The following PLPPR2 variants were observed in gnomAD, a reference collection of about 807,000 sequenced individuals.
PLPPR2 encodes phospholipid phosphatase-related protein type 2.
In PLPPR2, 11 loss-of-function variants were observed where a neutral mutation model predicts 40.3. That is an observed-to-expected ratio of 0.27 (90% confidence interval 0.17 to 0.45). The LOEUF is 0.45. Among genes scored for constraint, PLPPR2 ranks in the 20% least tolerant of loss-of-function variants. The probability of loss-of-function intolerance (pLI) is 1.00; values close to 1 mark genes in which losing one functional copy is unlikely to be tolerated. For missense variants in PLPPR2, 497 were observed against 640.7 expected, an observed-to-expected ratio of 0.78 and a Z score of 2.42; for synonymous variants, 260 against 290.8, an observed-to-expected ratio of 0.89 and a Z score of 1.08.
chr19:11,357,541 G>A lies in PLPPR2; in HGVS notation c.-14-119G>A, dbSNP rs117938945. 3.5e-4 allele frequency: 212 copies of A among 608,260 alleles called. 4 individuals carry two copies. The East Asian group carries it at 6.5e-3, about 19-fold the overall frequency. 37.7% of individuals were successfully genotyped at this position (608,260 alleles called of 1,614,324 possible). On this transcript the variant is annotated intron_variant, in intron 2 of 9. Coordinates refer to ENST00000688289, the MANE Select transcript of PLPPR2 (RefSeq NM_001393892.1). ...CAAGGGACAGAGTCAGGGCCTCCCC[G>A]GGTCTTCAGGGCCAGGGGTGTGGCC...
rs752644981 is a variant in PLPPR2, at chr19:11,361,479, C to G, written c.654C>G (p.Thr218=). The G allele has an allele frequency of 1.3e-6, 2 of 1,598,832 alleles. No homozygotes were observed. The highest frequency in any genetic ancestry group is 2.2e-5 in the South Asian group (2 of 90,652). The change falls in exon 6 of 10, where the codon ACC becomes ACG. Residue 218 remains threonine (T), a synonymous_variant. Coordinates refer to ENST00000688289, the MANE Select transcript of PLPPR2 (RefSeq NM_001393892.1). The surrounding 1 kb of genome is among the most constrained non-coding windows in gnomAD (Gnocchi z 6.3). ...CGGCCCTCTGCGCCTACGCGGTCAC[C>G]TACACAGCGGTGAGCTTCGGGAGCT... is the stretch of plus-strand genomic sequence containing the variant. The part of the protein sequence containing the change: ...KDAALCAYAV[T]YTAMYVTLVF...
intron 3 of PLPPR2, among the ~76,000 whole-genome samples, chr19:11,358,732 T>C (rs1055017080): frequency 6.6e-6 from 1 of 151,942 alleles, no homozygotes; most frequent in African/African-American, 2.4e-5. Flanking sequence ...TTCTTTCTTT[T>C]GTGATGGAGT....
In PLPPR2 at chr19:11,364,442, C is replaced by G. The variant is rs1489854169; in HGVS notation, c.1111C>G (p.Arg371Gly). The G allele has an allele frequency of 2.0e-6, 3 of 1,519,134 alleles. No individual in the cohort carries two copies. Among genetic ancestry groups the G allele is most frequent in the African/African-American group, 1.4e-5 (1 of 72,218 alleles). The allele number at this position is 1,519,134 out of a possible 1,614,324, so 94.1% of individuals were successfully genotyped here. A position where few individuals can be genotyped will look rare whatever the true frequency, so the allele number is the denominator to read the frequency against. The stretch of plus-strand genomic sequence containing the variant: ...TTCGTCGCCCCGTGTGCCCCGTCCT[C>G]GATTGAGGTCTGAGCCGACGCCCTT... ...MCSSPRVPRP[R>G]LRSEPTPLPL... Residue 371 changes from arginine (R) to glycine (G), a missense_variant, in exon 10 of 10, where the codon CGA becomes GGA. By Grantham distance (125) the Arg-to-Gly change is moderately radical. Transcript: ENST00000688289. The surrounding 1 kb of genome is among the most constrained non-coding windows in gnomAD (Gnocchi z 5.8).
Position 11,362,648 on chromosome 19 carries a change from C to T in PLPPR2, c.799C>T (p.Leu267=), listed in dbSNP as rs757575804. ...AEYRNHWSDV[L]AGFLTGAAIA... ...GTACCGAAACCACTGGTCGGACGTG[C>T]TGGCTGGCTTCCTGACAGGGGCGGC... The change falls in exon 7 of 10, where the codon CTG becomes TTG. Residue 267 remains leucine, a synonymous_variant. Coordinates refer to ENST00000688289, the MANE Select transcript of PLPPR2 (RefSeq NM_001393892.1). The surrounding 1 kb of genome is among the most constrained non-coding windows in gnomAD (Gnocchi z 5.3). 1.1e-5 allele frequency: 17 copies of T among 1,613,752 alleles called. No individual in the cohort carries two copies. Among genetic ancestry groups the T allele is most frequent in the Non-Finnish European group, 1.3e-5 (15 of 1,179,820 alleles).
In PLPPR2 at chr19:11,357,667, CT is replaced by C; in HGVS notation, c.-5del. On this transcript the variant is annotated 5_prime_UTR_variant, in exon 3 of 10. Coordinates refer to ENST00000688289, the MANE Select transcript of PLPPR2 (RefSeq NM_001393892.1). ...CCCTCCCCACCTCTGCAGGCCTGGC[CT>C]TCACCATGGCGGGAGGGAGACCGCA... The C allele has an allele frequency of 6.2e-7, 1 of 1,604,954 alleles. No homozygotes were observed. The highest frequency in any genetic ancestry group is 1.1e-5 in the South Asian group (1 of 89,336).
chr19:11,360,102 T>C, intron 5 of PLPPR2, 146 bp downstream of exon 5: 1 of 1,178,854 alleles, frequency 8.5e-7, no homozygotes. Context: ...GGAGGCCAAG[T>C]GGGCGATCAC....
Position 11,362,453 on chromosome 19 carries a change from G to A in PLPPR2, c.664-60G>A, listed in dbSNP as rs527548638. The A allele has an allele frequency of 3.8e-6, 6 of 1,592,886 alleles. No homozygotes were observed. Among genetic ancestry groups the A allele is most frequent in the South Asian group, 1.1e-5 (1 of 90,826 alleles). ...CATGCGCTCTAGCCCAGAAAGGAGC[G>A]TCCACTTGGGTTCGGCGACTTGCCT... On this transcript the variant is annotated intron_variant, in intron 6 of 9. Transcript: ENST00000688289. The surrounding 1 kb of genome is among the most constrained non-coding windows in gnomAD (Gnocchi z 5.3).
chr19:11,357,593 T>C (rs570036507), intron 2 of PLPPR2, 67 bp from the exon 3 acceptor site: 378 of 1,204,970 alleles, frequency 3.1e-4, no homozygotes, highest in Non-Finnish European at 4.0e-4. Context: ...GAAGCCAGGG[T>C]CCCGGTGACC....
In PLPPR2 at chr19:11,364,226, G is replaced by A; in HGVS notation, c.1015+14G>A. 1.2e-6 allele frequency: 2 copies of A among 1,608,358 alleles called. No homozygotes were observed. Among genetic ancestry groups the A allele is most frequent in the African/African-American group, 1.3e-5 (1 of 74,872 alleles). On this transcript the variant is annotated intron_variant, in intron 9 of 9. Coordinates refer to ENST00000688289, the MANE Select transcript of PLPPR2 (RefSeq NM_001393892.1). The surrounding 1 kb of genome is among the most constrained non-coding windows in gnomAD (Gnocchi z 5.8). ...TCACCCCATCCAGTGAGTGTTGGGG[G>A]AGTGGGGGGCTAAACAGGGGGACTT... is the stretch of plus-strand genomic sequence containing the variant.
rs1332385216 is a variant in PLPPR2 at position 11,362,342 on chromosome 19, G to T, written c.664-171G>T. On this transcript the variant is annotated intron_variant, in intron 6 of 9. Transcript: ENST00000688289. The surrounding 1 kb of genome is among the most constrained non-coding windows in gnomAD (Gnocchi z 5.3). ...TGACCCCCCCCCCTTTGCCTTTTTG[G>T]TCACGCTCCCTGGAAAAGCCCACTG... The T allele has an allele frequency of 3.0e-5, 20 of 667,130 alleles. No homozygotes were observed. Among genetic ancestry groups the T allele is most frequent in the Non-Finnish European group, 4.2e-5 (17 of 404,600 alleles). 41.3% of individuals were successfully genotyped at this position (667,130 alleles called of 1,614,324 possible). A position where few individuals can be genotyped will look rare whatever the true frequency, so the allele number is the denominator to read the frequency against.
rs72992930 is a variant in PLPPR2 at position 11,359,283 on chromosome 19, C to T, written c.67-249C>T. Among the ~76,000 whole-genome samples the T allele has an allele frequency of 3.3e-5, 5 of 152,286 alleles. No individual in the cohort carries two copies. The highest frequency in any genetic ancestry group is 5.9e-5 in the Non-Finnish European group (4 of 68,012). On this transcript the variant is annotated intron_variant, in intron 3 of 9. Transcript: ENST00000688289. This position sits in a 1 kb window ranked among gnomAD's most constrained non-coding sequence, Gnocchi z 5.6. The stretch of plus-strand genomic sequence containing the variant: ...AAGTGCTGGAATTACAGGCACGAGC[C>T]GCTGCACACGGCCCCTCTGTTTCTG...
rs993819082 is a variant in PLPPR2 at position 11,363,351 on chromosome 19, G to A, written c.841-362G>A. Among the ~76,000 whole-genome samples, 3 of 152,052 alleles carry A rather than the reference G, an allele frequency of 2.0e-5. No individual in the cohort carries two copies. Among genetic ancestry groups the A allele is most frequent in the African/African-American group, 7.2e-5 (3 of 41,414 alleles). ...TGTGGTCCCAGCTACTCAGGAGGCTGAGGCAAGAGAGTTGCTTGAATCCAG... is the reference window on the plus strand; with the variant it reads ...TGTGGTCCCAGCTACTCAGGAGGCTAAGGCAAGAGAGTTGCTTGAATCCAG... On this transcript the variant is annotated intron_variant, in intron 7 of 9. Coordinates refer to ENST00000688289, the MANE Select transcript of PLPPR2 (RefSeq NM_001393892.1). The surrounding 1 kb of genome is among the most constrained non-coding windows in gnomAD (Gnocchi z 4.8).
Position 11,363,907 on chromosome 19 carries a change from A to G in PLPPR2, c.963+72A>G, listed in dbSNP as rs2144680092. On this transcript the variant is annotated intron_variant, in intron 8 of 9. Transcript: ENST00000688289. The surrounding 1 kb of genome is among the most constrained non-coding windows in gnomAD (Gnocchi z 4.8). ...GAGGGGGCCAAGGAGACAGGAAGGA[A>G]GTCAGGCAAGAGGTGGGGGTCTCAG... is the stretch of plus-strand genomic sequence containing the variant. 5 of 1,531,180 alleles carry G rather than the reference A, an allele frequency of 3.3e-6. No homozygotes were observed. In the East Asian group the frequency reaches 1.2e-4, roughly 36 times the overall value. 94.8% of individuals were successfully genotyped at this position (1,531,180 alleles called of 1,614,324 possible).
intron 2 of PLPPR2, among the ~76,000 whole-genome samples, chr19:11,357,381 G>C (rs112174985): frequency 1.2e-4 from 19 of 152,234 alleles, no homozygotes; most frequent in African/African-American, 2.9e-4. Flanking sequence ...CATTGGGTCA[G>C]AGCCTCCCAT....
chr19:11,361,637 T>G lies in PLPPR2; in HGVS notation c.663+149T>G. ...CTCCACGCCCCGACCTGTTGGAAGCTCTCCCTCCTCCTCCCAGATCCTAGC... is the reference window on the plus strand; with the variant it reads ...CTCCACGCCCCGACCTGTTGGAAGCGCTCCCTCCTCCTCCCAGATCCTAGC... On this transcript the variant is annotated intron_variant, in intron 6 of 9. Coordinates refer to ENST00000688289, the MANE Select transcript of PLPPR2 (RefSeq NM_001393892.1). The surrounding 1 kb of genome is among the most constrained non-coding windows in gnomAD (Gnocchi z 6.3). The G allele has an allele frequency of 8.8e-7, 1 of 1,138,048 alleles. No homozygotes were observed. Among genetic ancestry groups the G allele is most frequent in the East Asian group, 2.6e-5 (1 of 38,708 alleles). 70.5% of individuals were successfully genotyped at this position (1,138,048 alleles called of 1,614,324 possible).
Position 11,364,515 on chromosome 19 carries a change from C to A in PLPPR2, c.1184C>A (p.Ser395Ter). 6.5e-7 allele frequency: 1 copy of A among 1,529,934 alleles called. No homozygotes were observed. The highest frequency in any genetic ancestry group is 8.7e-7 in the Non-Finnish European group (1 of 1,142,940). 94.8% of individuals were successfully genotyped at this position (1,529,934 alleles called of 1,614,324 possible). ...LPAPTPSQGP[S>*]PSSPGPGGPG... is the part of the protein sequence containing the mutation. ...GCGCCCACCCCCAGCCAGGGCCCCT[C>A]GCCTTCCTCCCCTGGACCTGGGGGG... Residue 395 changes from serine (S) to a stop codon, truncating the protein, a stop_gained, in exon 10 of 10, where the codon TCG (serine) becomes TAG (stop). Transcript: ENST00000688289. LOFTEE classifies it high-confidence loss of function. The surrounding 1 kb of genome is among the most constrained non-coding windows in gnomAD (Gnocchi z 5.8).
At chr19:11,360,936 C>T (rs1184261032) in intron 5 of PLPPR2, among the ~76,000 whole-genome samples, 3 of 151,850 alleles carry the variant, frequency 2.0e-5, no homozygotes, top group Admixed American at 6.6e-5. Context: ...GGTGTTGGGG[C>T]GGGGGTCCAA....
chr19:11,363,860 C>A lies in PLPPR2; in HGVS notation c.963+25C>A, dbSNP rs752277282. Reference sequence around the variant, plus strand: ...GGTAAGGGGGGCCGGGGGCTGCTCCCGGCTGGAGAGGGTGGTGGGTGGAGG... The same window carrying A: ...GGTAAGGGGGGCCGGGGGCTGCTCCAGGCTGGAGAGGGTGGTGGGTGGAGG... On this transcript the variant is annotated intron_variant, in intron 8 of 9. Transcript: ENST00000688289. This position sits in a 1 kb window ranked among gnomAD's most constrained non-coding sequence, Gnocchi z 4.8. 1 of 1,606,466 alleles carries A rather than the reference C, an allele frequency of 6.2e-7. No homozygotes were observed. The highest frequency in any genetic ancestry group is 8.5e-7 in the Non-Finnish European group (1 of 1,175,796).
chr19:11,364,640 C>G lies in PLPPR2; in HGVS notation c.1309C>G (p.Arg437Gly). 1 of 1,537,232 alleles carries G rather than the reference C, an allele frequency of 6.5e-7. No homozygotes were observed. The highest frequency in any genetic ancestry group is 8.7e-7 in the Non-Finnish European group (1 of 1,146,894). The change falls in exon 10 of 10, where the codon CGG (arginine) becomes GGG (glycine). Residue 437 changes from arginine to glycine, a missense_variant. Arg to Gly is a moderately radical substitution (Grantham distance 125, BLOSUM62 -2). Transcript: ENST00000688289. This position sits in a 1 kb window ranked among gnomAD's most constrained non-coding sequence, Gnocchi z 5.8. ...TGGACTCTATCCCTCCCCCTTCCAC[C>G]GGGACAACTTCAGCCCTTACCTGTT... Reference protein sequence around the residue: ...LSGLYPSPFHRDNFSPYLFAS... With the variant: ...LSGLYPSPFHGDNFSPYLFAS...
Sources: allele counts gnomAD v4.1 joint callset (sites outside exome capture counted in the v4.1 genomes callset), GRCh38; gene constraint gnomAD v4.1.1; non-coding constraint Gnocchi (gnomAD v3.1); transcripts MANE v1.5; gene names NCBI Gene and HGNC (gene_info 2026-07-23, HGNC 2026-07-21).